Variants in COBL observed in about 807,000 individuals in gnomAD.
The protein encoded by COBL is cordon-bleu WH2 repeat protein.
COBL carries 51 observed loss-of-function variants against 98.8 expected under a neutral mutation model. That is an observed-to-expected ratio of 0.52 (90% CI 0.41 to 0.65). COBL has a LOEUF of 0.65. Among genes scored for constraint, COBL ranks in the 30% least tolerant of loss-of-function variants. The pLI is 0.00. For synonymous variants in COBL, 634 were observed against 651.7 expected (o/e 0.97, Z 0.41); for missense variants, 1,617 against 1,617.5 (o/e 1.00, Z 0.01).
At chr7:51,289,355 C>T (rs959052440) in intron 1 of COBL, among the ~76,000 whole-genome samples, 6 of 152,220 alleles carry the variant, frequency 3.9e-5, no homozygotes, top group Non-Finnish European at 7.3e-5. Context: ...CCTCACTGCC[C>T]TCCTGCTGAC....
intron 3 of COBL, 94 bp downstream of exon 3, chr7:51,193,285 T>TG: frequency 9.0e-7 from 1 of 1,110,612 alleles, no homozygotes; most frequent in Non-Finnish European, 1.3e-6. Context: ...CACAGCTCTC[T>TG]GCACTGTACT....
intron 5 of COBL, among the ~76,000 whole-genome samples, chr7:51,177,397 T>C (rs1165746439): frequency 3.3e-5 from 5 of 152,182 alleles, no homozygotes; most frequent in Non-Finnish European, 5.9e-5. Context: ...TTGAAATTAA[T>C]ATATGTAATT....
intron 7 of COBL, 146 bp downstream of exon 7, chr7:51,085,020 C>CT: frequency 8.3e-7 from 1 of 1,201,690 alleles, no homozygotes; most frequent in Admixed American, 2.3e-5. Context: ...GCAATTATTT[C>CT]TTTCCAGCCC....
chr7:51,164,005 C>G (rs749436459), intron 5 of COBL, among the ~76,000 whole-genome samples: 6 of 152,180 alleles, frequency 3.9e-5, no homozygotes, highest in Non-Finnish European at 8.8e-5. Context: ...GGTGTAGTAA[C>G]AAACTTTTGG....
intron 6 of COBL, among the ~76,000 whole-genome samples, chr7:51,097,195 A>C (rs1344884748): frequency 6.6e-6 from 1 of 152,196 alleles, no homozygotes; most frequent in Non-Finnish European, 1.5e-5. Context: ...TAAAAACATC[A>C]ATCAATGTAA....
chr7:51,073,419 G>A (rs1485819353), intron 7 of COBL: 6 of 658,744 alleles, frequency 9.1e-6, no homozygotes, highest in South Asian at 1.6e-5. Flanking sequence ...AAATGTGAAC[G>A]CACACTTGCG....
intron 1 of COBL, among the ~76,000 whole-genome samples, chr7:51,241,126 A>G (rs1173192525): frequency 6.6e-6 from 1 of 152,234 alleles, no homozygotes; most frequent in Non-Finnish European, 1.5e-5. Flanking sequence ...GAGTGGGCAC[A>G]GCACCTTGGT....
At chr7:51,260,931 T>A (rs1030189084) in intron 1 of COBL, among the ~76,000 whole-genome samples, 1 of 152,300 alleles carries the variant, frequency 6.6e-6, no homozygotes, top group Admixed American at 6.5e-5. Context: ...GATCACATCC[T>A]GCCTTTCCCC....
intron 1 of COBL, among the ~76,000 whole-genome samples, chr7:51,224,132 G>A (rs1299489368): frequency 6.6e-6 from 1 of 152,226 alleles, no homozygotes; most frequent in East Asian, 1.9e-4. Context: ...CATACAGCTA[G>A]GTGTGTAGTA....
At chr7:51,138,896 C>T (rs1433807712) in intron 5 of COBL, among the ~76,000 whole-genome samples, 1 of 152,172 alleles carries the variant, frequency 6.6e-6, no homozygotes, top group African/African-American at 2.4e-5. Context: ...CATGGAACTC[C>T]CAGTTCCTCT....
At chr7:51,242,739 G>A (rs1214504029) in intron 1 of COBL, among the ~76,000 whole-genome samples, 1 of 152,194 alleles carries the variant, frequency 6.6e-6, no homozygotes, top group Admixed American at 6.5e-5. Flanking sequence ...GCTCTGTTCT[G>A]AGAATTGGGC....
chr7:51,021,051 G>C (rs1786881031), intron 12 of COBL: 1 of 152,192 alleles, frequency 6.6e-6, no homozygotes, highest in South Asian at 2.1e-4. Flanking sequence ...TCATTGAAAG[G>C]AGGAGGCTGC....
At chr7:51,242,858 C>T (rs62448323) in intron 1 of COBL, among the ~76,000 whole-genome samples, 42,164 of 151,958 alleles carry the variant, frequency 0.28, 7,435 homozygotes, top group East Asian at 0.66. Flanking sequence ...ATTATCACCT[C>T]CGCACAGCTG....
At chr7:51,302,457 T>C (rs1251537459) in intron 1 of COBL, among the ~76,000 whole-genome samples, 1 of 151,808 alleles carries the variant, frequency 6.6e-6, no homozygotes, top group East Asian at 1.9e-4. Flanking sequence ...GGTGCATGCC[T>C]GTAATCCCAG....
chr7:51,107,399 A>T (rs1225604999), intron 6 of COBL, among the ~76,000 whole-genome samples: 1 of 152,032 alleles, frequency 6.6e-6, no homozygotes, highest in African/African-American at 2.4e-5. Context: ...AGTATTTTTA[A>T]ATAGAGGTTT....
intron 6 of COBL, among the ~76,000 whole-genome samples, chr7:51,133,016 C>T (rs1010875725): frequency 1.3e-5 from 2 of 152,138 alleles, no homozygotes; most frequent in Middle Eastern, 3.2e-3. Flanking sequence ...GGACAAACAT[C>T]CAAACCATAT....
At chr7:51,080,486 TA>T (rs1793540131) in intron 7 of COBL, among the ~76,000 whole-genome samples, 1 of 152,162 alleles carries the variant, frequency 6.6e-6, no homozygotes, top group South Asian at 2.1e-4. Flanking sequence ...CGAGATCCCA[TA>T]AAGAGAAACC....
chr7:51,144,205 G>A (rs1488601036), intron 5 of COBL, among the ~76,000 whole-genome samples: 6 of 152,160 alleles, frequency 3.9e-5, no homozygotes, highest in Non-Finnish European at 8.8e-5. Context: ...CTCAGAAAAT[G>A]GTGATAGATT....
At chr7:51,122,340 A>T (rs573175078) in intron 6 of COBL, among the ~76,000 whole-genome samples, 15 of 152,242 alleles carry the variant, frequency 9.9e-5, no homozygotes, top group African/African-American at 3.1e-4. Context: ...CTGCAGTGGG[A>T]GGTGCCACAG....
Sources: allele counts gnomAD v4.1 joint callset (sites outside exome capture counted in the v4.1 genomes callset), GRCh38; gene constraint gnomAD v4.1.1; transcripts MANE v1.5; gene names NCBI Gene and HGNC (gene_info 2026-07-23, HGNC 2026-07-21).